Variants in CPM observed in about 807,000 individuals in gnomAD.
CPM encodes renal carboxypeptidase.
In CPM, 35 loss-of-function variants were observed where a neutral mutation model predicts 46.4. The ratio of observed to expected loss-of-function variants is 0.75; its 90% CI spans 0.58 to 1.00. The LOEUF is 1.00. Ranked by LOEUF, CPM falls within the 50% of genes least tolerant of loss-of-function variation. The pLI, the probability that CPM is intolerant of heterozygous loss-of-function variation, is 0.00. For synonymous variants in CPM, 195 were observed against 195.3 expected, an observed-to-expected ratio of 1.00 and a Z score of 0.01; for missense variants, 422 against 530.4, an observed-to-expected ratio of 0.80 and a Z score of 2.01.
At chr12:68,946,171 CTAA>C (rs370291383) in intron 1 of CPM, among the ~76,000 whole-genome samples, 114 of 152,186 alleles carry the variant, frequency 7.5e-4, no homozygotes, top group South Asian at 2.1e-3. Flanking sequence ...AGGCTAGAAT[CTAA>C]TAACAGGCAT....
chr12:68,906,711 G>C (rs1055035205), intron 2 of CPM, among the ~76,000 whole-genome samples: 2 of 152,132 alleles, frequency 1.3e-5, no homozygotes, highest in Non-Finnish European at 2.9e-5. Flanking sequence ...TTGAACTCCT[G>C]ACTTCAAATG....
In CPM at chr12:68,956,206, C is replaced by T. The variant is rs181539657; in HGVS notation, c.-4+6963G>A. On this transcript the variant is annotated intron_variant, in intron 1 of 8. Coordinates refer to the CPM transcript ENST00000546373. ...AAGTCATGTCAGCACCCAGGTTTGG[C>T]CACAGTTTGCTCCAAAATCGGAGCA... Among the ~76,000 whole-genome samples, 104 of 152,318 alleles carry T rather than the reference C, an allele frequency of 6.8e-4. 2 individuals are homozygous for T. In the East Asian group the frequency reaches 0.017, roughly 24 times the overall value.
chr12:68,891,147 C>T (rs1195606338), intron 2 of CPM, among the ~76,000 whole-genome samples: 1 of 152,234 alleles, frequency 6.6e-6, no homozygotes, highest in South Asian at 2.1e-4. Flanking sequence ...TTTATCTTCC[C>T]TAACAACGAT....
In CPM at chr12:68,866,809, A is replaced by G; in HGVS notation, c.940+87T>C. The G allele has an allele frequency of 2.6e-6, 3 of 1,142,712 alleles. No homozygotes were observed. In the South Asian group the frequency reaches 4.3e-5, roughly 16 times the overall value. The allele number at this position is 1,142,712 out of a possible 1,614,324, so 70.8% of individuals were successfully genotyped here. On this transcript the variant is annotated intron_variant, in intron 7 of 8. Coordinates refer to ENST00000551568, the MANE Select transcript of CPM (RefSeq NM_198320.5). ...ATGAGGCTATAACTACAAAGCATAA[A>G]TAAAGGCTTGCGTTTAGTCAACCCA...
chr12:68,900,235 A>T (rs530072847), intron 2 of CPM, among the ~76,000 whole-genome samples: 1 of 152,250 alleles, frequency 6.6e-6, no homozygotes, highest in Non-Finnish European at 1.5e-5. Context: ...CAGGCATTTC[A>T]CCAAAGAAGA....
Position 68,852,599 on chromosome 12 carries a change from T to C in CPM, c.*3838A>G, listed in dbSNP as rs966529875. ...CAGAGGTTCGCTCTGTCACCCCGGC[T>C]GGAGTGCAGTGCAGTGATGTGATCT... On this transcript the variant is annotated 3_prime_UTR_variant, in exon 9 of 9. Coordinates refer to ENST00000551568, the MANE Select transcript of CPM (RefSeq NM_198320.5). 6.6e-6 allele frequency: 1 copy of C among 151,576 alleles called. No homozygotes were observed. Among genetic ancestry groups the C allele is most frequent in the African/African-American group, 2.4e-5 (1 of 41,228 alleles). 9.4% of individuals were successfully genotyped at this position (151,576 alleles called of 1,614,324 possible). A position where few individuals can be genotyped will look rare whatever the true frequency, so the allele number is the denominator to read the frequency against.
chr12:68,883,202 A>G (rs1453783247), intron 3 of CPM, among the ~76,000 whole-genome samples: 1 of 152,230 alleles, frequency 6.6e-6, no homozygotes, highest in East Asian at 1.9e-4. Context: ...ATAGCAAGGA[A>G]TACACCAAAA....
intron 2 of CPM, among the ~76,000 whole-genome samples, chr12:68,927,583 T>C (rs1278079468): frequency 7.9e-5 from 12 of 152,260 alleles, no homozygotes; most frequent in Middle Eastern, 6.8e-3. Context: ...ATCCCATTTG[T>C]CAATTTTGGC....
At chr12:68,912,940 A>G (rs140516700) in intron 2 of CPM, among the ~76,000 whole-genome samples, 6 of 152,326 alleles carry the variant, frequency 3.9e-5, no homozygotes, top group Non-Finnish European at 8.8e-5. Context: ...TCCCCTCTGT[A>G]GCAATGATCC....
chr12:68,954,962 T>A (rs1888989046), intron 1 of CPM, among the ~76,000 whole-genome samples: 1 of 152,230 alleles, frequency 6.6e-6, no homozygotes, highest in Non-Finnish European at 1.5e-5. Context: ...CCAGCACCTG[T>A]GCTGGTGCCT....
rs141069511 is a variant in CPM at position 68,901,003 on chromosome 12, C to T, written c.161-15114G>A. On this transcript the variant is annotated intron_variant, in intron 2 of 8. Transcript: ENST00000551568. The stretch of plus-strand genomic sequence containing the variant: ...AGGTTTATTAGTTGTAACAAATGTA[C>T]CACTCTGGTGGGGGATATTGATCAT... 3.0e-4 allele frequency among the ~76,000 whole-genome samples: 45 copies of T among 152,254 alleles called. No homozygotes were observed. In the East Asian group the frequency reaches 8.1e-3, roughly 27 times the overall value.
intron 2 of CPM, among the ~76,000 whole-genome samples, chr12:68,897,283 T>C (rs556128836): frequency 6.6e-6 from 1 of 152,088 alleles, no homozygotes; most frequent in African/African-American, 2.4e-5. Context: ...TTTTTTTTTT[T>C]TTTCCTCCAT....
intron 1 of CPM, among the ~76,000 whole-genome samples, chr12:68,940,050 A>G (rs1442636582): frequency 6.6e-6 from 1 of 151,632 alleles, no homozygotes; most frequent in East Asian, 1.9e-4. Context: ...TTATTCTTAA[A>G]TTATAAATTA....
At chr12:68,901,178 A>AGTAG (rs1249253276) in intron 2 of CPM, among the ~76,000 whole-genome samples, 1 of 152,220 alleles carries the variant, frequency 6.6e-6, no homozygotes, top group African/African-American at 2.4e-5. Flanking sequence ...ACTTTGCCAC[A>AGTAG]GTAGGTACAG....
chr12:68,868,469 G>A (rs908243126), intron 6 of CPM, among the ~76,000 whole-genome samples: 21 of 152,130 alleles, frequency 1.4e-4, no homozygotes, highest in Admixed American at 9.8e-4. Flanking sequence ...CTGTTGGTGG[G>A]GTCAGGCTAA....
chr12:68,915,701 GTTC>G (rs1171141215), intron 2 of CPM, among the ~76,000 whole-genome samples: 4 of 152,230 alleles, frequency 2.6e-5, no homozygotes, highest in African/African-American at 9.6e-5. Flanking sequence ...ACCTGGGTCT[GTTC>G]TTCTTTGCAT....
Position 68,856,061 on chromosome 12 carries a change from C to T in CPM, c.*376G>A. On this transcript the variant is annotated 3_prime_UTR_variant, in exon 9 of 9. Transcript: ENST00000551568. ...TGGTGAAGTCTTGTATGTAGAAGAT[C>T]AATAAATGTTCATCTTCATTGCTTA... 4.7e-6 allele frequency: 1 copy of T among 210,814 alleles called. No individual in the cohort carries two copies. Among genetic ancestry groups the T allele is most frequent in the Admixed American group, 5.3e-5 (1 of 19,024 alleles). 13.1% of individuals were successfully genotyped at this position (210,814 alleles called of 1,614,324 possible). A position where few individuals can be genotyped will look rare whatever the true frequency, so the allele number is the denominator to read the frequency against.
chr12:68,920,890 C>T (rs568336378), intron 2 of CPM, among the ~76,000 whole-genome samples: 8 of 150,096 alleles, frequency 5.3e-5, no homozygotes, highest in African/African-American at 1.2e-4. Flanking sequence ...TTAGTACACA[C>T]GGGGTTTTGC....
chr12:68,950,990 G>A (rs1448776571), intron 1 of CPM, among the ~76,000 whole-genome samples: 1 of 152,164 alleles, frequency 6.6e-6, no homozygotes, highest in Non-Finnish European at 1.5e-5. Context: ...TCCCACAATT[G>A]CATAAGGTCC....
Sources: allele counts gnomAD v4.1 joint callset (sites outside exome capture counted in the v4.1 genomes callset), GRCh38; gene constraint gnomAD v4.1.1; transcripts MANE v1.5; gene names NCBI Gene and HGNC (gene_info 2026-07-23, HGNC 2026-07-21).